The following PCDHGA12 variants were observed in gnomAD, a reference collection of about 807,000 sequenced individuals.
PCDHGA12 encodes protocadherin gamma subfamily A, 12, also known as protocadherin gamma-A12.
In PCDHGA12, 43 loss-of-function variants were observed where a neutral mutation model predicts 61.1. The observed-to-expected ratio is 0.70, with a 90% confidence interval of 0.55 to 0.91. PCDHGA12 has a LOEUF of 0.91. Among genes scored for constraint, PCDHGA12 ranks in the 40% least tolerant of loss-of-function variants. The probability of loss-of-function intolerance (pLI) is 0.00; values close to 1 mark genes in which losing one functional copy is unlikely to be tolerated. For synonymous variants in PCDHGA12, 520 were observed against 542.9 expected (o/e 0.96, Z 0.59); for missense variants, 1,236 against 1,227.7 (o/e 1.01, Z -0.10).
At chr5:141,496,080 C>G (rs2099765822) in intron 2 of PCDHGA12, among the ~76,000 whole-genome samples, 2 of 152,150 alleles carry the variant, frequency 1.3e-5, no homozygotes, top group East Asian at 1.9e-4. Context: ...ACACAACCCC[C>G]CACCCACCAC....
chr5:141,443,216 C>T (rs758242896), intron 1 of PCDHGA12, among the ~76,000 whole-genome samples: 3 of 151,908 alleles, frequency 2.0e-5, no homozygotes, highest in South Asian at 2.1e-4. Context: ...TCTCGCCAGG[C>T]GCATCTATAA....
At chr5:141,437,832 G>A (rs929534984) in intron 1 of PCDHGA12, among the ~76,000 whole-genome samples, 2 of 151,794 alleles carry the variant, frequency 1.3e-5, no homozygotes, top group Admixed American at 1.3e-4. Context: ...CTGCCTCCTG[G>A]GTTCATGCTA....
At chr5:141,471,075 G>T (rs574363005) in intron 1 of PCDHGA12, among the ~76,000 whole-genome samples, 1 of 143,346 alleles carries the variant, frequency 7.0e-6, no homozygotes, top group East Asian at 2.0e-4. Context: ...TTGAGACAGG[G>T]TCTCCCTCTG....
chr5:141,437,478 T>G (rs942305423), intron 1 of PCDHGA12, among the ~76,000 whole-genome samples: 2 of 152,210 alleles, frequency 1.3e-5, no homozygotes, highest in African/African-American at 2.4e-5. Flanking sequence ...TATAGCATAT[T>G]TAATCTCGTA....
intron 1 of PCDHGA12, among the ~76,000 whole-genome samples, chr5:141,488,661 G>T (rs573211567): frequency 6.6e-6 from 1 of 152,246 alleles, no homozygotes; most frequent in African/African-American, 2.4e-5. Context: ...GGAGGGTGGG[G>T]GAATACATGG....
At chr5:141,449,106 T>A (rs2154562506) in intron 1 of PCDHGA12, among the ~76,000 whole-genome samples, 2 of 152,314 alleles carry the variant, frequency 1.3e-5, no homozygotes, top group East Asian at 3.9e-4. Context: ...ATGCAGTATA[T>A]CTTTGGGATG....
intron 1 of PCDHGA12, among the ~76,000 whole-genome samples, chr5:141,479,992 G>A (rs1336315766): frequency 6.6e-6 from 1 of 152,204 alleles, no homozygotes; most frequent in Non-Finnish European, 1.5e-5. Context: ...CCAACTAGGA[G>A]TCTGTGGCCA....
chr5:141,489,257 T>C lies in PCDHGA12; in HGVS notation c.2425-5550T>C, dbSNP rs2099684606. 5.8e-6 allele frequency: 9 copies of C among 1,550,190 alleles called. No homozygotes were observed. The highest frequency in any genetic ancestry group is 1.4e-5 in the African/African-American group (1 of 73,054). On this transcript the variant is annotated intron_variant, in intron 1 of 3. Transcript: ENST00000252085. This position sits in a 1 kb window ranked among gnomAD's most constrained non-coding sequence, Gnocchi z 4.5. Reference sequence around the variant, plus strand: ...TTCTGGGTCATGGGGCCCAAGACACTCCCACAGCTCGCTGGGAAATGGCAA... The same window carrying C: ...TTCTGGGTCATGGGGCCCAAGACACCCCCACAGCTCGCTGGGAAATGGCAA...
Position 141,487,125 on chromosome 5 carries a change from G to A in PCDHGA12, c.2425-7682G>A. 6.2e-7 allele frequency: 1 copy of A among 1,614,112 alleles called. No homozygotes were observed. The highest frequency in any genetic ancestry group is 8.5e-7 in the Non-Finnish European group (1 of 1,179,994). The stretch of plus-strand genomic sequence containing the variant: ...CTGGTCATTGTGGTAAAGGATAGTG[G>A]TAGTCCACCACTCTCTACCTCTGTT... On this transcript the variant is annotated intron_variant, in intron 1 of 3. Coordinates refer to ENST00000252085, the MANE Select transcript of PCDHGA12 (RefSeq NM_003735.3). This position sits in a 1 kb window ranked among gnomAD's most constrained non-coding sequence, Gnocchi z 5.0.
chr5:141,466,975 A>G (rs769024064), intron 1 of PCDHGA12, among the ~76,000 whole-genome samples: 1 of 151,842 alleles, frequency 6.6e-6, no homozygotes, highest in Non-Finnish European at 1.5e-5. Flanking sequence ...CTCACAGCTC[A>G]TCATTTACCT....
In PCDHGA12 at chr5:141,489,053, G is replaced by C; in HGVS notation, c.2425-5754G>C. 1 of 473,650 alleles carries C rather than the reference G, an allele frequency of 2.1e-6. No homozygotes were observed. Among genetic ancestry groups the C allele is most frequent in the Non-Finnish European group, 3.7e-6 (1 of 270,732 alleles). The allele number at this position is 473,650 out of a possible 1,614,324, so 29.3% of individuals were successfully genotyped here. A position where few individuals can be genotyped will look rare whatever the true frequency, so the allele number is the denominator to read the frequency against. On this transcript the variant is annotated intron_variant, in intron 1 of 3. Transcript: ENST00000252085. The surrounding 1 kb of genome is among the most constrained non-coding windows in gnomAD (Gnocchi z 4.5). ...AGCTCCCCAGCTCCACTCAAATTCA[G>C]CTCCCCTCCCCCCTGCCCACCCCCG...
chr5:141,453,333 A>T (rs181261279), intron 1 of PCDHGA12, among the ~76,000 whole-genome samples: 3 of 151,914 alleles, frequency 2.0e-5, no homozygotes, highest in Admixed American at 1.3e-4. Context: ...GGGTCTCACT[A>T]TGTTTCCCCA....
chr5:141,509,595 C>T (rs968797923), intron 3 of PCDHGA12, among the ~76,000 whole-genome samples: 36 of 152,168 alleles, frequency 2.4e-4, no homozygotes, highest in African/African-American at 6.8e-4. Context: ...CTGGCAATTC[C>T]GAGAGGCTGC....
Position 141,432,205 on chromosome 5 carries a change from A to G in PCDHGA12, c.1446A>G (p.Glu482=), listed in dbSNP as rs764567227. 1 of 1,614,180 alleles carries G rather than the reference A, an allele frequency of 6.2e-7. No individual in the cohort carries two copies. Among genetic ancestry groups the G allele is most frequent in the South Asian group, 1.1e-5 (1 of 91,074 alleles). The change falls in exon 1 of 4, where the codon GAA becomes GAG. Residue 482 remains glutamate (E), a synonymous_variant. Transcript: ENST00000252085. This position sits in a 1 kb window ranked among gnomAD's most constrained non-coding sequence, Gnocchi z 6.0. ...VSVTAHDPDC[E]ENAQITYSLA... The stretch of plus-strand genomic sequence containing the variant: ...TGACCGCCCACGACCCCGACTGTGA[A>G]GAGAACGCCCAGATCACTTATTCCC...
At chr5:141,506,213 A>G (rs2154593866) in intron 3 of PCDHGA12, among the ~76,000 whole-genome samples, 1 of 152,204 alleles carries the variant, frequency 6.6e-6, no homozygotes, top group South Asian at 2.1e-4. Flanking sequence ...CACTTTGGGA[A>G]GCTGAGGCAG....
chr5:141,491,312 C>T lies in PCDHGA12; in HGVS notation c.2425-3495C>T, dbSNP rs749198887. The stretch of plus-strand genomic sequence containing the variant: ...CACCCTCCTGAGCGTTCAGACCTTA[C>T]CCTTTACCTCATTGTGGCTCTAGCG... On this transcript the variant is annotated intron_variant, in intron 1 of 3. Transcript: ENST00000252085. The surrounding 1 kb of genome is among the most constrained non-coding windows in gnomAD (Gnocchi z 6.9). 3 of 1,614,170 alleles carry T rather than the reference C, an allele frequency of 1.9e-6. No individual in the cohort carries two copies. Among genetic ancestry groups the T allele is most frequent in the East Asian group, 4.5e-5 (2 of 44,878 alleles).
At chr5:141,467,167 C>T (rs2099138606) in intron 1 of PCDHGA12, among the ~76,000 whole-genome samples, 1 of 151,832 alleles carries the variant, frequency 6.6e-6, no homozygotes, top group Non-Finnish European at 1.5e-5. Context: ...ATTCTCATCT[C>T]TCAGCCTCCC....
chr5:141,438,631 TATATAC>T (rs1271580663), intron 1 of PCDHGA12, among the ~76,000 whole-genome samples: 5,390 of 42,476 alleles, frequency 0.13, 146 homozygotes, highest in Non-Finnish European at 0.16. Context: ...TATATATATA[TATATAC>T]ACACACACAC....
At position 141,431,952 on chromosome 5, in the gene PCDHGA12, AC is replaced by A; in HGVS notation, c.1194del (p.Tyr398Ter). ...CTGCCCTTTAAATTAGAAAAATCTTACGGAAATTACTATAGTTTAGTCACAG... is the reference window on the plus strand; with the variant it reads ...CTGCCCTTTAAATTAGAAAAATCTTAGGAAATTACTATAGTTTAGTCACAG... ...GNLPFKLEKS[Y>X]GNYYSLVTDI... On this transcript the variant is annotated frameshift_variant, in exon 1 of 4. Transcript: ENST00000252085. LOFTEE classifies it high-confidence loss of function. This position sits in a 1 kb window ranked among gnomAD's most constrained non-coding sequence, Gnocchi z 4.8. 1 of 1,614,166 alleles carries A rather than the reference AC, an allele frequency of 6.2e-7. No homozygotes were observed. The highest frequency in any genetic ancestry group is 1.1e-5 in the South Asian group (1 of 91,090).
Sources: allele counts gnomAD v4.1 joint callset (sites outside exome capture counted in the v4.1 genomes callset), GRCh38; gene constraint gnomAD v4.1.1; non-coding constraint Gnocchi (gnomAD v3.1); transcripts MANE v1.5; gene names NCBI Gene and HGNC (gene_info 2026-07-23, HGNC 2026-07-21).